The following COL11A2 variants were observed in gnomAD, a reference collection of about 807,000 sequenced individuals.
COL11A2 encodes the protein collagen alpha-2(XI) chain.
Under a neutral mutation model 273.4 loss-of-function variants are expected in COL11A2, and 116 were observed. The observed-to-expected ratio is 0.42, with a 90% confidence interval of 0.36 to 0.49. The LOEUF (loss-of-function observed/expected upper bound fraction) is 0.49. Among genes scored for constraint, COL11A2 ranks in the 20% least tolerant of loss-of-function variants. COL11A2 has a pLI of 0.00. For synonymous variants in COL11A2, 782 were observed against 864.2 expected, an observed-to-expected ratio of 0.90 and a Z score of 1.67; for missense variants, 1,866 against 2,309.0, an observed-to-expected ratio of 0.81 and a Z score of 3.93.
chr6:33,171,330 A>T lies in COL11A2; in HGVS notation c.3259-6T>A. ...CCGGGGTCCCCCACCTCACCCTGGG[A>T]GGAGAAGGCAGACAAGATATTAGAG... On this transcript the variant is annotated splice_region_variant and splice_polypyrimidine_tract_variant and intron_variant, in intron 43 of 65. Transcript: ENST00000341947. 1 of 1,614,092 alleles carries T rather than the reference A, an allele frequency of 6.2e-7. No individual in the cohort carries two copies. The highest frequency in any genetic ancestry group is 8.5e-7 in the Non-Finnish European group (1 of 1,179,970).
Position 33,186,647 on chromosome 6 carries a change from T to A in COL11A2, c.778A>T (p.Asn260Tyr). 1 of 1,613,980 alleles carries A rather than the reference T, an allele frequency of 6.2e-7. No homozygotes were observed. Among genetic ancestry groups the A allele is most frequent in the Non-Finnish European group, 8.5e-7 (1 of 1,179,980 alleles). Residue 260 changes from asparagine (N) to tyrosine (Y), a missense_variant, in exon 5 of 66, where the codon AAT becomes TAT. Coordinates refer to ENST00000341947, the MANE Select transcript of COL11A2 (RefSeq NM_080680.3). ...QQPSRLHRPQNQEPQSQPTES... is the reference protein window; with the variant it reads ...QQPSRLHRPQYQEPQSQPTES... Reference sequence around the variant, plus strand: ...CTCACCTGGCTCTGGGGTTCCTGATTTTGTGGCCTGTGAAGTCTTGATGGT... The same window carrying A: ...CTCACCTGGCTCTGGGGTTCCTGATATTGTGGCCTGTGAAGTCTTGATGGT...
At chr6:33,171,394 G>A in intron 43 of COL11A2, 70 bp from the exon 44 acceptor site, 3 of 1,607,484 alleles carry the variant, frequency 1.9e-6, no homozygotes, top group Non-Finnish European at 2.6e-6. Flanking sequence ...ACATGACAGG[G>A]GCCAGGGGTC....
chr6:33,185,131 C>T, intron 6 of COL11A2, 77 bp from the exon 7 acceptor site: 1 of 1,062,132 alleles, frequency 9.4e-7, no homozygotes. Context: ...GGAGGCAAAG[C>T]AGCACCTGTC....
At position 33,176,297 on chromosome 6, in the gene COL11A2, C is replaced by A. The variant is rs748424898; in HGVS notation, c.2176G>T (p.Asp726Tyr). 4 of 1,606,528 alleles carry A rather than the reference C, an allele frequency of 2.5e-6. No individual in the cohort carries two copies. Among genetic ancestry groups the A allele is most frequent in the South Asian group, 2.2e-5 (2 of 90,150 alleles). Residue 726 changes from aspartate to tyrosine, a missense_variant, in exon 28 of 66, where the codon GAC (aspartate) becomes TAC (tyrosine). By Grantham distance (160) the Asp-to-Tyr change is radical (BLOSUM62 -3). Coordinates refer to ENST00000341947, the MANE Select transcript of COL11A2 (RefSeq NM_080680.3). This position sits in a 1 kb window ranked among gnomAD's most constrained non-coding sequence, Gnocchi z 4.9. ...YPGPRGVKGV[D>Y]GIRGLKGHKG... ...TGACCCTTCAGACCCCGAATTCCGT[C>A]CACACCCTAGAATTAGAGAGGGGAT...
chr6:33,166,679 T>G lies in COL11A2; in HGVS notation c.4338+41A>C. 1.2e-6 allele frequency: 2 copies of G among 1,612,542 alleles called. No homozygotes were observed. The highest frequency in any genetic ancestry group is 1.7e-6 in the Non-Finnish European group (2 of 1,178,954). ...CCAACTCCACCCCTCTCCACCCCAC[T>G]CTCAACCCCCACAACTTCCGGGACC... On this transcript the variant is annotated intron_variant, in intron 59 of 65. Coordinates refer to ENST00000341947, the MANE Select transcript of COL11A2 (RefSeq NM_080680.3). This position sits in a 1 kb window ranked among gnomAD's most constrained non-coding sequence, Gnocchi z 4.8.
upstream of COL11A2, chr6:33,192,594 G>A (rs1010935729): frequency 2.6e-5 from 11 of 422,798 alleles, no homozygotes; most frequent in Non-Finnish European, 4.3e-5. Context: ...TGGGGAGGGA[G>A]GCGGGAACCC....
intron 4 of COL11A2, among the ~76,000 whole-genome samples, chr6:33,187,981 A>C (rs1772632234): frequency 6.6e-6 from 1 of 151,986 alleles, no homozygotes; most frequent in Non-Finnish European, 1.5e-5. Flanking sequence ...ATAAGCCTTC[A>C]TGCATGACTA....
intron 41 of COL11A2, 74 bp from the exon 42 acceptor site, chr6:33,171,894 T>TTCCCAAAAGC: frequency 6.4e-7 from 1 of 1,566,872 alleles, no homozygotes; most frequent in South Asian, 1.1e-5. Flanking sequence ...CAGACCACAA[T>TTCCCAAAAGC]TCCCAAAAGC....
chr6:33,179,899 C>T lies in COL11A2; in HGVS notation c.1360-94G>A. On this transcript the variant is annotated intron_variant, in intron 12 of 65. Transcript: ENST00000341947. This position sits in a 1 kb window ranked among gnomAD's most constrained non-coding sequence, Gnocchi z 6.4. Reference sequence around the variant, plus strand: ...TTCTCCAGCGTTTCTGCCCCTTGCCCCAGGTTCTGCCCATCCAGCATTTCC... The same window carrying T: ...TTCTCCAGCGTTTCTGCCCCTTGCCTCAGGTTCTGCCCATCCAGCATTTCC... 1 of 1,162,958 alleles carries T rather than the reference C, an allele frequency of 8.6e-7. No individual in the cohort carries two copies. The highest frequency in any genetic ancestry group is 1.3e-6 in the Non-Finnish European group (1 of 786,870). 72.0% of individuals were successfully genotyped at this position (1,162,958 alleles called of 1,614,324 possible).
chr6:33,172,236 G>T lies in COL11A2; in HGVS notation c.2988+53C>A, dbSNP rs10428747. On this transcript the variant is annotated intron_variant, in intron 40 of 65. Coordinates refer to ENST00000341947, the MANE Select transcript of COL11A2 (RefSeq NM_080680.3). The stretch of plus-strand genomic sequence containing the variant: ...GGGTCAGGGACAGGGTCGGGGTGGG[G>T]ACTCAGGATGCTTGGTGCTTGTGAC... 7.2e-3 allele frequency: 10,647 copies of T among 1,481,686 alleles called. 534 individuals carry two copies. The African/African-American group carries it at 0.11, about 16-fold the overall frequency. The allele number at this position is 1,481,686 out of a possible 1,614,324, so 91.8% of individuals were successfully genotyped here. A position where few individuals can be genotyped will look rare whatever the true frequency, so the allele number is the denominator to read the frequency against.
At chr6:33,168,404 C>T in intron 54 of COL11A2, 115 bp downstream of exon 54, 2 of 1,160,720 alleles carry the variant, frequency 1.7e-6, no homozygotes, top group South Asian at 2.5e-5. Context: ...ACACACACAC[C>T]CAGGGCAATG....
Position 33,172,607 on chromosome 6 carries a change from C to A in COL11A2, c.2821G>T (p.Glu941Ter). The A allele has an allele frequency of 6.2e-7, 1 of 1,612,566 alleles. No individual in the cohort carries two copies. The highest frequency in any genetic ancestry group is 8.5e-7 in the Non-Finnish European group (1 of 1,179,888). The change falls in exon 39 of 66, where the codon GAG becomes TAG. Residue 941 changes from glutamate to a stop codon, truncating the protein, a stop_gained. Coordinates refer to ENST00000341947, the MANE Select transcript of COL11A2 (RefSeq NM_080680.3). LOFTEE classifies it high-confidence loss of function. ...CCCGGGGGGCCTGGGTGACCTCTCT[C>A]CCCCATAGGGCCGGTTTCTCCTGCT... ...GAAGETGPMG[E>*]RGHPGPPGPP...
chr6:33,178,835 G>A lies in COL11A2; in HGVS notation c.1665+85C>T. On this transcript the variant is annotated intron_variant, in intron 17 of 65. Transcript: ENST00000341947. The surrounding 1 kb of genome is among the most constrained non-coding windows in gnomAD (Gnocchi z 4.6). ...GGGGGTGCTGATCCTGGGGAAGCCT[G>A]GAGAACTAGGTCATCCCCAAGAAAC... 1.2e-6 allele frequency: 2 copies of A among 1,606,836 alleles called. No homozygotes were observed. The highest frequency in any genetic ancestry group is 1.3e-5 in the African/African-American group (1 of 74,878).
chr6:33,178,376 G>A lies in COL11A2; in HGVS notation c.1774-24C>T, dbSNP rs1771221486. On this transcript the variant is annotated intron_variant, in intron 19 of 65. Coordinates refer to ENST00000341947, the MANE Select transcript of COL11A2 (RefSeq NM_080680.3). The surrounding 1 kb of genome is among the most constrained non-coding windows in gnomAD (Gnocchi z 4.6). The stretch of plus-strand genomic sequence containing the variant: ...CCCTGGAGGAGGAGGACACGGTAAA[G>A]CTGCTGTGCCTTCTAGACCTCCCCT... 6.2e-7 allele frequency: 1 copy of A among 1,612,888 alleles called. No individual in the cohort carries two copies. The highest frequency in any genetic ancestry group is 8.5e-7 in the Non-Finnish European group (1 of 1,179,962).
chr6:33,167,896 G>C lies in COL11A2; in HGVS notation c.3961-44C>G, dbSNP rs748900345. On this transcript the variant is annotated intron_variant, in intron 54 of 65. Transcript: ENST00000341947. This position sits in a 1 kb window ranked among gnomAD's most constrained non-coding sequence, Gnocchi z 6.1. ...GGAAGAGCACATGAGGCCGTGGGCAGCCAGGCTCAACTCTTCCCCCTTCCT... is the reference window on the plus strand; with the variant it reads ...GGAAGAGCACATGAGGCCGTGGGCACCCAGGCTCAACTCTTCCCCCTTCCT... The C allele has an allele frequency of 5.0e-6, 8 of 1,607,354 alleles. No individual in the cohort carries two copies. In the South Asian group the frequency reaches 7.7e-5, roughly 16 times the overall value.
rs1773017399 is a variant in COL11A2 at position 33,190,812 on chromosome 6, G to A, written c.83-1343C>T. Among the ~76,000 whole-genome samples, 3 of 152,004 alleles carry A rather than the reference G, an allele frequency of 2.0e-5. No individual in the cohort carries two copies. The highest frequency in any genetic ancestry group is 2.0e-4 in the Admixed American group (3 of 15,260). Reference sequence around the variant, plus strand: ...GAGACTCACAGAGACCCCAGGCCAAGGAGACCTCGGAGGTCCCCACCCTCC... The same window carrying A: ...GAGACTCACAGAGACCCCAGGCCAAAGAGACCTCGGAGGTCCCCACCCTCC... On this transcript the variant is annotated intron_variant, in intron 1 of 65. Coordinates refer to ENST00000341947, the MANE Select transcript of COL11A2 (RefSeq NM_080680.3). The surrounding 1 kb of genome is among the most constrained non-coding windows in gnomAD (Gnocchi z 4.5).
In COL11A2 at chr6:33,170,125, T is replaced by C. The variant is rs1248971430; in HGVS notation, c.3583-25A>G. ...CCTGGAAGAGGAACAGAAATAGGTGTCATTGCTTAGGATGGAGGTGCCATT... is the reference window on the plus strand; with the variant it reads ...CCTGGAAGAGGAACAGAAATAGGTGCCATTGCTTAGGATGGAGGTGCCATT... On this transcript the variant is annotated intron_variant, in intron 48 of 65. Transcript: ENST00000341947. This position sits in a 1 kb window ranked among gnomAD's most constrained non-coding sequence, Gnocchi z 4.3. The C allele has an allele frequency of 1.2e-6, 2 of 1,612,862 alleles. No homozygotes were observed. Among genetic ancestry groups the C allele is most frequent in the Non-Finnish European group, 1.7e-6 (2 of 1,179,952 alleles).
Position 33,166,810 on chromosome 6 carries a change from A to C in COL11A2, c.4248T>G (p.Ile1416Met). The change falls in exon 59 of 66, where the codon ATT becomes ATG. Residue 1416 changes from isoleucine (I) to methionine (M), a missense_variant. By Grantham distance (10) the Ile-to-Met change is conservative. Coordinates refer to ENST00000341947, the MANE Select transcript of COL11A2 (RefSeq NM_080680.3). The surrounding 1 kb of genome is among the most constrained non-coding windows in gnomAD (Gnocchi z 4.8). Reference sequence around the variant, plus strand: ...GCTCACCCGGGGGCCCAATCAGTCCAATGAGACCTGGGTGGCCCTAGAGAA... The same window carrying C: ...GCTCACCCGGGGGCCCAATCAGTCCCATGAGACCTGGGTGGCCCTAGAGAA... The part of the protein sequence containing the change: ...AKGEKGHPGL[I>M]GLIGPPGEQG... 6.2e-7 allele frequency: 1 copy of C among 1,613,508 alleles called. No individual in the cohort carries two copies. Among genetic ancestry groups the C allele is most frequent in the Non-Finnish European group, 8.5e-7 (1 of 1,180,014 alleles).
intron 5 of COL11A2, chr6:33,186,390 C>T: frequency 7.7e-6 from 11 of 1,424,296 alleles, no homozygotes; most frequent in Non-Finnish European, 1.0e-5. Context: ...GGACACAGTT[C>T]CAGGAAGACT....
Sources: allele counts gnomAD v4.1 joint callset (sites outside exome capture counted in the v4.1 genomes callset), GRCh38; gene constraint gnomAD v4.1.1; non-coding constraint Gnocchi (gnomAD v3.1); transcripts MANE v1.5; gene names NCBI Gene and HGNC (gene_info 2026-07-23, HGNC 2026-07-21).